Variants in PPP1R12B observed in about 807,000 individuals in gnomAD.
PPP1R12B encodes the protein myosin phosphatase target subunit 2.
PPP1R12B carries 76 observed loss-of-function variants against 126.1 expected under a neutral mutation model. The ratio of observed to expected loss-of-function variants is 0.60; its 90% CI spans 0.50 to 0.73. The LOEUF is 0.73. Among genes scored for constraint, PPP1R12B ranks in the 30% least tolerant of loss-of-function variants. The pLI is 0.00. For missense variants in PPP1R12B, 1,052 were observed against 1,205.1 expected, an observed-to-expected ratio of 0.87 and a Z score of 1.88; for synonymous variants, 356 against 434.7, an observed-to-expected ratio of 0.82 and a Z score of 2.25.
At chr1:202,368,410 C>T (rs935274011) in intron 1 of PPP1R12B, among the ~76,000 whole-genome samples, 1 of 152,188 alleles carries the variant, frequency 6.6e-6, no homozygotes, top group Non-Finnish European at 1.5e-5. Context: ...AAGCAGATGT[C>T]AGTGCCATGC....
At chr1:202,497,923 TATATAACTCAGGAA>T (rs1490389219) in intron 18 of PPP1R12B, among the ~76,000 whole-genome samples, 15 of 152,214 alleles carry the variant, frequency 9.9e-5, no homozygotes, top group Admixed American at 2.6e-4. Flanking sequence ...ACTCAAAGCA[TATATAACTCAGGAA>T]ATATAACTCA....
intron 1 of PPP1R12B, among the ~76,000 whole-genome samples, chr1:202,349,874 A>G (rs779288264): frequency 6.6e-6 from 1 of 151,928 alleles, no homozygotes; most frequent in Non-Finnish European, 1.5e-5. Context: ...ATGTATAGCT[A>G]TACTATATGG....
chr1:202,516,263 T>C (rs1056878421), intron 18 of PPP1R12B, among the ~76,000 whole-genome samples: 1 of 152,156 alleles, frequency 6.6e-6, no homozygotes, highest in Non-Finnish European at 1.5e-5. Context: ...CCACTTGTTA[T>C]AGGGGTAGGG....
At chr1:202,445,099 G>T (rs1156770446) in intron 12 of PPP1R12B, 4 of 1,247,256 alleles carry the variant, frequency 3.2e-6, no homozygotes, top group Non-Finnish European at 4.0e-6. Context: ...TCAGCCAATC[G>T]CAATTCATCT....
chr1:202,576,381 C>T (rs758213284), intron 23 of PPP1R12B: 1 of 152,180 alleles, frequency 6.6e-6, no homozygotes, highest in Non-Finnish European at 1.5e-5. Flanking sequence ...CTGACCAGAG[C>T]CTGTTCTTTC....
At chr1:202,489,285 C>T (rs1678562677) in intron 14 of PPP1R12B, among the ~76,000 whole-genome samples, 2 of 152,320 alleles carry the variant, frequency 1.3e-5, no homozygotes, top group South Asian at 4.1e-4. Context: ...ATCCCTACTA[C>T]ATTTTAAGAA....
intron 13 of PPP1R12B, among the ~76,000 whole-genome samples, chr1:202,485,224 T>G (rs1317939515): frequency 7.9e-5 from 12 of 152,136 alleles, no homozygotes; most frequent in Non-Finnish European, 1.5e-5. Flanking sequence ...TCTCAGTTGT[T>G]GCATCTGGCT....
At chr1:202,401,901 A>G (rs1558181166) in intron 1 of PPP1R12B, among the ~76,000 whole-genome samples, 1 of 151,872 alleles carries the variant, frequency 6.6e-6, no homozygotes. Context: ...ACAGATTGAA[A>G]GCAAGGTAAC....
At chr1:202,422,256 A>G (rs549384526) in intron 2 of PPP1R12B, among the ~76,000 whole-genome samples, 21 of 152,302 alleles carry the variant, frequency 1.4e-4, no homozygotes, top group South Asian at 6.2e-4. Flanking sequence ...TTATTCTTCT[A>G]TTTTCACACC....
rs114618050 is a variant in PPP1R12B at position 202,403,694 on chromosome 1, T to G, written c.292-13093T>G. On this transcript the variant is annotated intron_variant, in intron 1 of 23. Transcript: ENST00000608999. ...TGGAAAGGGCAACAGTACTTGTTAG[T>G]TTGCTGCTCAAATATAGTTCCTGAG... Among the ~76,000 whole-genome samples, 579 of 152,358 alleles carry G rather than the reference T, an allele frequency of 3.8e-3. 6 individuals carry two copies. The highest frequency in any genetic ancestry group is 0.013 in the African/African-American group (556 of 41,578).
chr1:202,399,758 A>C (rs917751441), intron 1 of PPP1R12B, among the ~76,000 whole-genome samples: 1 of 152,154 alleles, frequency 6.6e-6, no homozygotes, highest in African/African-American at 2.4e-5. Context: ...AGCCTCCCAA[A>C]GTGCTGGGAT....
At chr1:202,412,480 T>C (rs1426599473) in intron 1 of PPP1R12B, among the ~76,000 whole-genome samples, 6 of 152,218 alleles carry the variant, frequency 3.9e-5, no homozygotes, top group African/African-American at 1.2e-4. Flanking sequence ...GCCTCTGGAA[T>C]GTGGCTGCTG....
intron 18 of PPP1R12B, among the ~76,000 whole-genome samples, chr1:202,515,701 G>A (rs1240802338): frequency 6.6e-6 from 1 of 152,104 alleles, no homozygotes; most frequent in Non-Finnish European, 1.5e-5. Flanking sequence ...TGATAGATGT[G>A]TGCCACCATG....
intron 1 of PPP1R12B, among the ~76,000 whole-genome samples, chr1:202,367,601 A>G (rs1316453963): frequency 6.6e-6 from 1 of 152,166 alleles, no homozygotes; most frequent in East Asian, 1.9e-4. Context: ...TCTGCCTGGA[A>G]TGCTATTCCA....
At chr1:202,391,533 A>G (rs1163151559) in intron 1 of PPP1R12B, among the ~76,000 whole-genome samples, 1 of 152,148 alleles carries the variant, frequency 6.6e-6, no homozygotes, top group Non-Finnish European at 1.5e-5. Flanking sequence ...CCATAAATGA[A>G]AACATATGTC....
intron 1 of PPP1R12B, among the ~76,000 whole-genome samples, chr1:202,379,385 A>T (rs1661843138): frequency 6.6e-6 from 1 of 152,160 alleles, no homozygotes; most frequent in Admixed American, 6.6e-5. Flanking sequence ...CTATGGTAGG[A>T]CCCAGGAATC....
In PPP1R12B at chr1:202,436,441, G is replaced by C. The variant is rs189554093; in HGVS notation, c.1255-1380G>C. 3.9e-5 allele frequency among the ~76,000 whole-genome samples: 6 copies of C among 152,160 alleles called. No individual in the cohort carries two copies. The East Asian group carries it at 7.7e-4, about 20-fold the overall frequency. The stretch of plus-strand genomic sequence containing the variant: ...TGTACATTCAGATGACTGATGAAAA[G>C]AGAAAATCTATATGTGAGTTGGAGA... On this transcript the variant is annotated intron_variant, in intron 9 of 23. Transcript: ENST00000608999.
chr1:202,586,566 A>C lies in PPP1R12B; in HGVS notation c.*6006A>C, dbSNP rs1312414125. 6.6e-6 allele frequency: 1 copy of C among 152,212 alleles called. No homozygotes were observed. The highest frequency in any genetic ancestry group is 1.5e-5 in the Non-Finnish European group (1 of 68,030). The allele number at this position is 152,212 out of a possible 1,614,324, so 9.4% of individuals were successfully genotyped here. A position where few individuals can be genotyped will look rare whatever the true frequency, so the allele number is the denominator to read the frequency against. On this transcript the variant is annotated 3_prime_UTR_variant, in exon 24 of 24. Transcript: ENST00000608999. ...ATCTTTTGTGTTCTGATTAGATTGG[A>C]AAATAGATCAACTTCATTGTAGTCC...
At chr1:202,515,571 T>C (rs1193733404) in intron 18 of PPP1R12B, among the ~76,000 whole-genome samples, 2 of 152,088 alleles carry the variant, frequency 1.3e-5, no homozygotes, top group Non-Finnish European at 2.9e-5. Flanking sequence ...TTGTTTTTTG[T>C]TTTGGTTTTT....
Sources: allele counts gnomAD v4.1 joint callset (sites outside exome capture counted in the v4.1 genomes callset), GRCh38; gene constraint gnomAD v4.1.1; transcripts MANE v1.5; gene names NCBI Gene and HGNC (gene_info 2026-07-23, HGNC 2026-07-21).